Variants in FBN1 observed in about 807,000 individuals in gnomAD.
FBN1 encodes the protein fibrillin-1.
Under a neutral mutation model 365.1 loss-of-function variants are expected in FBN1, and 29 were observed. That is an observed-to-expected ratio of 0.08 (90% CI 0.06 to 0.11). The LOEUF (loss-of-function observed/expected upper bound fraction) is 0.11, where lower values mean the gene tolerates loss of function less well. Ranked by LOEUF, FBN1 falls within the 10% of genes least tolerant of loss-of-function variation. The pLI is 1.00. For synonymous variants in FBN1, 1,210 were observed against 1,270.5 expected (o/e 0.95, Z 1.01); for missense variants, 2,476 against 3,703.2 (o/e 0.67, Z 8.60).
chr15:48,507,049 A>G (rs763839976), intron 15 of FBN1, among the ~76,000 whole-genome samples: 1 of 152,138 alleles, frequency 6.6e-6, no homozygotes, highest in Non-Finnish European at 1.5e-5. Flanking sequence ...CTGGTTGCCA[A>G]TGGTTGCCAA....
chr15:48,539,544 T>C (rs1048251974), intron 6 of FBN1, among the ~76,000 whole-genome samples: 2 of 152,236 alleles, frequency 1.3e-5, no homozygotes, highest in African/African-American at 4.8e-5. Flanking sequence ...ATCAGACTCA[T>C]GATTTCACAG....
intron 2 of FBN1, among the ~76,000 whole-genome samples, chr15:48,631,341 A>T (rs1474327850): frequency 6.6e-6 from 1 of 152,208 alleles, no homozygotes; most frequent in Non-Finnish European, 1.5e-5. Flanking sequence ...AGGGGCTGCC[A>T]ATCTGAGTCA....
At chr15:48,563,468 A>G (rs2044239033) in intron 6 of FBN1, among the ~76,000 whole-genome samples, 1 of 152,166 alleles carries the variant, frequency 6.6e-6, no homozygotes, top group Non-Finnish European at 1.5e-5. Context: ...TCTGTTTTGA[A>G]CAAACAGATT....
intron 32 of FBN1, among the ~76,000 whole-genome samples, chr15:48,479,523 G>T (rs1195652723): frequency 1.3e-5 from 2 of 152,174 alleles, no homozygotes; most frequent in African/African-American, 4.8e-5. Flanking sequence ...GTGCTAGCTG[G>T]ATTTTAGCAA....
chr15:48,416,178 G>T (rs1026149416), intron 63 of FBN1, among the ~76,000 whole-genome samples: 5 of 152,170 alleles, frequency 3.3e-5, no homozygotes, highest in African/African-American at 1.2e-4. Flanking sequence ...GAATCTTGCA[G>T]TTCTCTGCGT....
rs561682421 is a variant in FBN1, at chr15:48,416,149, G to T, written c.7820-382C>A. 1.5e-3 allele frequency among the ~76,000 whole-genome samples: 225 copies of T among 152,272 alleles called. 1 individual carries two copies. Among genetic ancestry groups the T allele is most frequent in the African/African-American group, 5.1e-3 (213 of 41,554 alleles). On this transcript the variant is annotated intron_variant, in intron 63 of 65. Coordinates refer to ENST00000316623, the MANE Select transcript of FBN1 (RefSeq NM_000138.5). ...GGCTGGTCCGTAGCTAAGATTTAGG[G>T]TTCAAGGGGGGAGGAAAGGAATCTT...
rs763079155 is a variant in FBN1 at position 48,526,147 on chromosome 15, T to C, written c.971A>G (p.Asp324Gly). 6.2e-7 allele frequency: 1 copy of C among 1,614,036 alleles called. No homozygotes were observed. The highest frequency in any genetic ancestry group is 8.5e-7 in the Non-Finnish European group (1 of 1,180,002). Residue 324 changes from aspartate to glycine, a missense_variant, in exon 9 of 66, where the codon GAT (aspartate) becomes GGT (glycine). By Grantham distance (94) the Asp-to-Gly change is moderately conservative. Coordinates refer to ENST00000316623, the MANE Select transcript of FBN1 (RefSeq NM_000138.5). ...AAACCTACCTATGCATCTGGTACCA[T>C]CTGGAGAGGTGTAAAAACCAGGGGG... ...KCPPGFYTSPDGTRCIDVRPG... is the reference protein window; with the variant it reads ...KCPPGFYTSPGGTRCIDVRPG...
At chr15:48,435,772 A>ATATATGTGTGTATATATATGTATATATG (rs1555395092) in intron 53 of FBN1, among the ~76,000 whole-genome samples, 2,806 of 106,152 alleles carry the variant, frequency 0.026, 182 homozygotes, top group East Asian at 0.13. Flanking sequence ...ATATGTGTAT[A>ATATATGTGTGTATATATATGTATATATG]TGTGTGTGTG....
chr15:48,483,680 A>G, intron 31 of FBN1, 138 bp downstream of exon 31: 1 of 951,772 alleles, frequency 1.1e-6, no homozygotes, highest in Non-Finnish European at 1.6e-6. Context: ...ATGCTGGTTA[A>G]AATATGAGTA....
Position 48,444,558 on chromosome 15 carries a change from T to C in FBN1, c.6020A>G (p.Gln2007Arg). 2 of 1,613,576 alleles carry C rather than the reference T, an allele frequency of 1.2e-6. No individual in the cohort carries two copies. Among genetic ancestry groups the C allele is most frequent in the Non-Finnish European group, 8.5e-7 (1 of 1,179,636 alleles). ...RCICPPGYSLQNEKCEDIDEC... is the reference protein window; with the variant it reads ...RCICPPGYSLRNEKCEDIDEC... Reference sequence around the variant, plus strand: ...TTTCCTACCTTCACACTTCTCATTTTGAAGACTGTATCCAGGTGGGCAAAT... The same window carrying C: ...TTTCCTACCTTCACACTTCTCATTTCGAAGACTGTATCCAGGTGGGCAAAT... Residue 2007 changes from glutamine to arginine, a missense_variant, in exon 49 of 66, where the codon CAA becomes CGA. Gln to Arg is a conservative substitution (Grantham distance 43). Around this residue, in one of 5 missense-constraint regions of FBN1, gnomAD observed 1,780 missense variants for 2,840.8 expected, o/e 0.63. Coordinates refer to ENST00000316623, the MANE Select transcript of FBN1 (RefSeq NM_000138.5).
intron 56 of FBN1, 77 bp from the exon 57 acceptor site, chr15:48,428,548 G>GTTCC: frequency 2.0e-6 from 3 of 1,521,138 alleles, no homozygotes; most frequent in Admixed American, 3.4e-5. Context: ...TCCTTCCTTC[G>GTTCC]TTCCTTCCTT....
In FBN1 at chr15:48,468,552, G is replaced by A; in HGVS notation, c.4460-18C>T. The stretch of plus-strand genomic sequence containing the variant: ...ATTCACATCTAAAACCGAACAGTGA[G>A]TAGTGGAGTTATCACCTGAGCCAGT... On this transcript the variant is annotated intron_variant, in intron 36 of 65. Coordinates refer to ENST00000316623, the MANE Select transcript of FBN1 (RefSeq NM_000138.5). 6.2e-7 allele frequency: 1 copy of A among 1,613,898 alleles called. No homozygotes were observed. Among genetic ancestry groups the A allele is most frequent in the Non-Finnish European group, 8.5e-7 (1 of 1,179,892 alleles).
rs363823 is a variant in FBN1, at chr15:48,433,009, T to A, written c.6617-21A>T. ...TATATCTGCAGCAGAGGAGAGTAAGTAAATAAGGGATCATGGACAGCAACA... is the reference window on the plus strand; with the variant it reads ...TATATCTGCAGCAGAGGAGAGTAAGAAAATAAGGGATCATGGACAGCAACA... On this transcript the variant is annotated intron_variant, in intron 54 of 65. Coordinates refer to ENST00000316623, the MANE Select transcript of FBN1 (RefSeq NM_000138.5). The A allele has an allele frequency of 0.023, 36,883 of 1,612,404 alleles. 777 individuals carry two copies. Among genetic ancestry groups the A allele is most frequent in the East Asian group, 0.1 (4,656 of 44,848 alleles).
intron 34 of FBN1, 114 bp from the exon 35 acceptor site, chr15:48,472,790 T>C: frequency 7.2e-7 from 1 of 1,388,354 alleles, no homozygotes; most frequent in Non-Finnish European, 1.0e-6. Context: ...ATTTGACACA[T>C]TTAAAGTCAT....
At chr15:48,490,938 C>T (rs1161406876) in intron 24 of FBN1, among the ~76,000 whole-genome samples, 2 of 152,220 alleles carry the variant, frequency 1.3e-5, no homozygotes, top group African/African-American at 4.8e-5. Context: ...TATCTTCCTT[C>T]TCTTTCTCCT....
chr15:48,502,596 C>T (rs1422863893), intron 17 of FBN1, among the ~76,000 whole-genome samples: 1 of 152,140 alleles, frequency 6.6e-6, no homozygotes, highest in Non-Finnish European at 1.5e-5. Flanking sequence ...AGGTCCACTG[C>T]CAAGCTACCT....
chr15:48,549,990 C>T (rs970198481), intron 6 of FBN1, among the ~76,000 whole-genome samples: 22 of 152,318 alleles, frequency 1.4e-4, no homozygotes, highest in African/African-American at 5.3e-4. Flanking sequence ...TTTCCCCAAA[C>T]GGCAGCAGGC....
chr15:48,618,576 G>A (rs1177298926), intron 2 of FBN1, among the ~76,000 whole-genome samples: 3 of 152,132 alleles, frequency 2.0e-5, no homozygotes, highest in Non-Finnish European at 2.9e-5. Context: ...CCCTGGTAAT[G>A]AGAACAGCTT....
rs775565475 is a variant in FBN1, at chr15:48,487,382, G to A, written c.3393C>T (p.Asn1131=). ...PLLCRGGVCH[N]TEGSYRCECP... is the part of the protein sequence containing the mutation. ...ATTCACAGCGGTAACTTCCCTCTGT[G>A]TTATGGCAAACACCACCTCGGCATA... Residue 1131 remains asparagine (N), a synonymous_variant, in exon 28 of 66, where the codon AAC becomes AAT. Coordinates refer to ENST00000316623, the MANE Select transcript of FBN1 (RefSeq NM_000138.5). 1.9e-6 allele frequency: 3 copies of A among 1,614,172 alleles called. No homozygotes were observed. In the Admixed American group the frequency reaches 5.0e-5, roughly 27 times the overall value.
Sources: allele counts gnomAD v4.1 joint callset (sites outside exome capture counted in the v4.1 genomes callset), GRCh38; gene constraint gnomAD v4.1.1; regional missense constraint gnomAD v4.1.1; transcripts MANE v1.5; gene names NCBI Gene and HGNC (gene_info 2026-07-23, HGNC 2026-07-21).